DNAH11: variants seen among roughly 807,000 people sequenced by gnomAD.
The protein encoded by DNAH11 is axonemal beta dynein heavy chain 11.
Under a neutral mutation model 526.0 loss-of-function variants are expected in DNAH11, and 442 were observed. The ratio of observed to expected loss-of-function variants is 0.84; its 90% confidence interval spans 0.78 to 0.91. DNAH11 has a LOEUF of 0.91. DNAH11 is among the 40% of genes least tolerant of loss of function. The pLI is 0.00. For missense variants in DNAH11, 6,989 were observed against 5,448.7 expected (o/e 1.28, Z -8.90); for synonymous variants, 2,461 against 1,935.9 (o/e 1.27, Z -7.12).
At chr7:21,778,928 G>GT (rs777961874) in intron 56 of DNAH11, 30 bp from the exon 57 acceptor site, 1 of 1,606,660 alleles carries the variant, frequency 6.2e-7, no homozygotes, top group Admixed American at 1.7e-5. Context: ...AACAAGGCCA[G>GT]TGACGTAAGA....
intron 68 of DNAH11, 42 bp from the exon 69 acceptor site, chr7:21,861,811 G>T: frequency 6.2e-7 from 1 of 1,604,092 alleles, no homozygotes; most frequent in Non-Finnish European, 8.5e-7. Context: ...AGACATCCAG[G>T]CACCAGTTGT....
intron 65 of DNAH11, 45 bp downstream of exon 65, chr7:21,818,384 T>A: frequency 6.3e-7 from 1 of 1,576,652 alleles, no homozygotes. Context: ...GCTAAATGAT[T>A]TTCAGCAGCA....
At chr7:21,777,870 ATTAC>A (rs1351757582) in intron 56 of DNAH11, among the ~76,000 whole-genome samples, 1 of 152,194 alleles carries the variant, frequency 6.6e-6, no homozygotes, top group Non-Finnish European at 1.5e-5. Context: ...AAACTACAAG[ATTAC>A]TTGGATATAG....
chr7:21,705,161 A>T (rs906355387), intron 38 of DNAH11, among the ~76,000 whole-genome samples: 1 of 152,222 alleles, frequency 6.6e-6, no homozygotes, highest in Non-Finnish European at 1.5e-5. Flanking sequence ...GTGATTGGCT[A>T]TGTACAGTGT....
chr7:21,784,299 T>A (rs1183557024), intron 57 of DNAH11, 128 bp from the exon 58 acceptor site: 2 of 730,546 alleles, frequency 2.7e-6, no homozygotes, highest in Non-Finnish European at 4.7e-6. Context: ...GTTTAACAAA[T>A]TCCTCACCTG....
chr7:21,848,932 C>A (rs914593215), intron 66 of DNAH11, among the ~76,000 whole-genome samples: 1 of 152,192 alleles, frequency 6.6e-6, no homozygotes, highest in African/African-American at 2.4e-5. Context: ...GTTGCCCAGG[C>A]TGGAGTGCAA....
intron 39 of DNAH11, 101 bp downstream of exon 39, chr7:21,705,638 G>C (rs1025398934): frequency 1.8e-6 from 2 of 1,113,808 alleles, no homozygotes; most frequent in Admixed American, 4.2e-5. Context: ...TCCCCTCCAT[G>C]AAGCCCACCA....
intron 65 of DNAH11, among the ~76,000 whole-genome samples, chr7:21,824,487 A>G (rs1336779623): frequency 6.6e-6 from 1 of 152,196 alleles, no homozygotes; most frequent in Non-Finnish European, 1.5e-5. Flanking sequence ...TATTTAGTCA[A>G]GTTTCTAGAA....
chr7:21,587,503 C>A (rs1329398770), intron 9 of DNAH11, among the ~76,000 whole-genome samples: 1 of 152,148 alleles, frequency 6.6e-6, no homozygotes, highest in Non-Finnish European at 1.5e-5. Context: ...GGACAGTCAT[C>A]CACCTGTGGA....
intron 4 of DNAH11, among the ~76,000 whole-genome samples, chr7:21,560,246 A>G (rs2128431505): frequency 6.6e-6 from 1 of 152,284 alleles, no homozygotes; most frequent in East Asian, 1.9e-4. Flanking sequence ...ATTTTCTGAA[A>G]CAGAAATTTT....
chr7:21,664,663 G>C (rs1173897798), intron 30 of DNAH11, among the ~76,000 whole-genome samples: 1 of 151,970 alleles, frequency 6.6e-6, no homozygotes, highest in Non-Finnish European at 1.5e-5. Context: ...GTCTAACTAT[G>C]TTGAGCAGGC....
Position 21,880,743 on chromosome 7 carries a change from C to A in DNAH11, c.12237C>A (p.Ser4079Arg), listed in dbSNP as rs758119863. 6.2e-7 allele frequency: 1 copy of A among 1,613,976 alleles called. No individual in the cohort carries two copies. Among genetic ancestry groups the A allele is most frequent in the Non-Finnish European group, 8.5e-7 (1 of 1,179,910 alleles). ...EICSKEQEFK[S>R]ILFSLCYFHA... Reference sequence around the variant, plus strand: ...GCTCCAAGGAGCAGGAGTTTAAAAGCATCCTTTTTTCTCTCTGCTACTTCC... The same window carrying A: ...GCTCCAAGGAGCAGGAGTTTAAAAGAATCCTTTTTTCTCTCTGCTACTTCC... Residue 4079 changes from serine to arginine, a missense_variant, in exon 75 of 82, where the codon AGC becomes AGA. Coordinates refer to ENST00000409508, the MANE Select transcript of DNAH11 (RefSeq NM_001277115.2).
chr7:21,661,123 C>A (rs1231136923), intron 30 of DNAH11, among the ~76,000 whole-genome samples: 1 of 151,990 alleles, frequency 6.6e-6, no homozygotes, highest in Non-Finnish European at 1.5e-5. Flanking sequence ...ATCTTAGGAT[C>A]ATTTATTCTG....
At chr7:21,737,911 T>C (rs1008506211) in intron 46 of DNAH11, among the ~76,000 whole-genome samples, 3 of 152,220 alleles carry the variant, frequency 2.0e-5, no homozygotes, top group Non-Finnish European at 4.4e-5. Context: ...AATGTGGGTC[T>C]GCTTCTTGGA....
At chr7:21,831,098 G>T (rs1790533135) in intron 65 of DNAH11, among the ~76,000 whole-genome samples, 1 of 152,178 alleles carries the variant, frequency 6.6e-6, no homozygotes, top group African/African-American at 2.4e-5. Context: ...TTCCTGTGGG[G>T]AGTGGAGCTG....
chr7:21,594,063 TACACACACACACACACAC>T (rs59727118), intron 14 of DNAH11, among the ~76,000 whole-genome samples: 7 of 137,522 alleles, frequency 5.1e-5, no homozygotes, highest in Non-Finnish European at 7.8e-5. Flanking sequence ...CATACACACA[TACACACACACACACACAC>T]ACACACACAC....
intron 68 of DNAH11, among the ~76,000 whole-genome samples, chr7:21,855,744 A>G (rs1782820506): frequency 1.3e-5 from 2 of 152,210 alleles, no homozygotes. Context: ...ATTATGATCA[A>G]TCACGTCAGA....
intron 49 of DNAH11, among the ~76,000 whole-genome samples, chr7:21,743,312 CT>C (rs1785999561): frequency 6.6e-6 from 1 of 152,190 alleles, no homozygotes; most frequent in South Asian, 2.1e-4. Flanking sequence ...GAAATAGCAA[CT>C]TTTAAATAGT....
At chr7:21,765,226 T>TGG (rs72320586) in intron 54 of DNAH11, among the ~76,000 whole-genome samples, 1 of 53,202 alleles carries the variant, frequency 1.9e-5, no homozygotes, top group Non-Finnish European at 3.9e-5. Flanking sequence ...GCAGTGTTTC[T>TGG]GTGTCCAGTG....
Sources: gnomAD v4.1 joint callset for allele counts (sites outside exome capture counted in the v4.1 genomes callset) on GRCh38, gnomAD v4.1.1 for gene constraint, MANE v1.5 for transcripts, NCBI Gene and HGNC (gene_info 2026-07-23, HGNC 2026-07-21) for gene names.